Variants in C1QTNF3 observed in about 807,000 individuals in gnomAD.
The protein encoded by C1QTNF3 is C1q and TNF related 3.
C1QTNF3 carries 26 observed loss-of-function variants against 32.6 expected under a neutral mutation model. The ratio of observed to expected loss-of-function variants is 0.80; its 90% confidence interval spans 0.58 to 1.11. The LOEUF is 1.11. Among genes scored for constraint, C1QTNF3 ranks in the 50% least tolerant of loss-of-function variants. C1QTNF3 has a pLI of 0.00. For synonymous variants in C1QTNF3, 155 were observed against 146.0 expected (o/e 1.06, Z -0.44); for missense variants, 362 against 398.2 (o/e 0.91, Z 0.77).
chr5:34,044,812 T>G (rs1433885677), upstream of C1QTNF3, among the ~76,000 whole-genome samples: 1 of 152,214 alleles, frequency 6.6e-6, no homozygotes, highest in African/African-American at 2.4e-5. Context: ...AGTCTACCCT[T>G]GAGCATCTAA....
rs1363384587 is a variant in C1QTNF3, at chr5:34,033,412, T to C, written c.462A>G (p.Gly154=). Residue 154 remains glycine, a synonymous_variant, in exon 3 of 6, where the codon GGA becomes GGG. Transcript: ENST00000382065. ...NGNNGATGHE[G]AKGEKGDKGD... The stretch of plus-strand genomic sequence containing the variant: ...CTTTGTCGCCCTTCTCACCTTTGGC[T>C]CCTTCATGACCAGTGGCTCCATTGT... 5 of 1,614,004 alleles carry C rather than the reference T, an allele frequency of 3.1e-6. No individual in the cohort carries two copies. The highest frequency in any genetic ancestry group is 3.4e-6 in the Non-Finnish European group (4 of 1,180,010).
At chr5:34,232,615 T>G in the C1QTNF3 span, among the ~76,000 whole-genome samples, 1 of 151,772 alleles carries the variant, frequency 6.6e-6, no homozygotes, top group East Asian at 2.0e-4. Flanking sequence ...GTGCTCTCTC[T>G]CTCCTGGTGC....
chr5:34,093,286 ATTCT>A, the C1QTNF3 span, among the ~76,000 whole-genome samples: 6 of 131,492 alleles, frequency 4.6e-5, no homozygotes, highest in Admixed American at 8.0e-5. Flanking sequence ...ACTAAAACCT[ATTCT>A]TTGTTTTTTT....
the C1QTNF3 span, among the ~76,000 whole-genome samples, chr5:34,052,030 C>T: frequency 6.6e-6 from 1 of 152,052 alleles, no homozygotes; most frequent in South Asian, 2.1e-4. Flanking sequence ...CCCAGCTACT[C>T]GGGAGTCTGA....
chr5:34,210,659 C>G, the C1QTNF3 span, among the ~76,000 whole-genome samples: 1 of 151,998 alleles, frequency 6.6e-6, no homozygotes, highest in Non-Finnish European at 1.5e-5. Flanking sequence ...GGATAGAAGA[C>G]AGACATTATC....
At chr5:34,080,724 C>T in the C1QTNF3 span, among the ~76,000 whole-genome samples, 4 of 151,594 alleles carry the variant, frequency 2.6e-5, no homozygotes, top group Non-Finnish European at 4.4e-5. Context: ...ATATATTTGA[C>T]CTGTGAAAAA....
chr5:34,174,039 T>C, the C1QTNF3 span, among the ~76,000 whole-genome samples: 1 of 152,244 alleles, frequency 6.6e-6, no homozygotes, highest in East Asian at 1.9e-4. Context: ...ATTTGGCTTA[T>C]ATGATCTCAA....
upstream of C1QTNF3, among the ~76,000 whole-genome samples, chr5:34,047,184 C>A (rs1213489455): frequency 6.6e-6 from 1 of 152,236 alleles, no homozygotes; most frequent in African/African-American, 2.4e-5. Context: ...ACAAAAGACA[C>A]CTGAGGACAT....
the C1QTNF3 span, chr5:34,158,530 T>C: frequency 6.6e-6 from 1 of 152,238 alleles, no homozygotes; most frequent in African/African-American, 2.4e-5. Flanking sequence ...AAATTAAGTT[T>C]CTTGTAAAGT....
At chr5:34,056,454 GTATATATATATA>G in the C1QTNF3 span, among the ~76,000 whole-genome samples, 1 of 48,966 alleles carries the variant, frequency 2.0e-5, no homozygotes. Context: ...GTGTGTGTGT[GTATATATATATA>G]TATATATATA....
chr5:34,055,083 A>G, the C1QTNF3 span, among the ~76,000 whole-genome samples: 1 of 152,342 alleles, frequency 6.6e-6, no homozygotes, highest in Non-Finnish European at 1.5e-5. Flanking sequence ...TCCACACAGG[A>G]AACTAATCAA....
At chr5:34,218,649 A>C in the C1QTNF3 span, among the ~76,000 whole-genome samples, 16 of 152,096 alleles carry the variant, frequency 1.1e-4, no homozygotes, top group Non-Finnish European at 2.4e-4. Context: ...TAGAAAGAGG[A>C]GAGTTTTGCG....
the C1QTNF3 span, among the ~76,000 whole-genome samples, chr5:34,174,750 C>T: frequency 6.6e-6 from 1 of 150,892 alleles, no homozygotes; most frequent in Admixed American, 6.6e-5. Context: ...TTTGAAGACC[C>T]TTTTTTTTTG....
the C1QTNF3 span, chr5:34,190,044 G>C: frequency 2.2e-3 from 1,578 of 712,472 alleles, 1 homozygote; most frequent in African/African-American, 0.025. Flanking sequence ...CAAGGACTCT[G>C]TGGGGCCCAG....
intron 5 of C1QTNF3, among the ~76,000 whole-genome samples, chr5:34,023,134 C>T (rs1203387764): frequency 6.6e-6 from 1 of 152,128 alleles, no homozygotes; most frequent in Non-Finnish European, 1.5e-5. Flanking sequence ...GGATTACAGG[C>T]GTGAGCCACC....
At chr5:34,225,064 A>C in the C1QTNF3 span, among the ~76,000 whole-genome samples, 2 of 152,104 alleles carry the variant, frequency 1.3e-5, no homozygotes, top group African/African-American at 4.8e-5. Flanking sequence ...GCTCACCATC[A>C]CTGGCCATCA....
At chr5:34,183,298 G>A in the C1QTNF3 span, among the ~76,000 whole-genome samples, 1 of 151,890 alleles carries the variant, frequency 6.6e-6, no homozygotes, top group Non-Finnish European at 1.5e-5. Context: ...CGCCCGGCCC[G>A]CTTTTTTTTA....
At chr5:34,099,088 G>A in the C1QTNF3 span, among the ~76,000 whole-genome samples, 1 of 152,098 alleles carries the variant, frequency 6.6e-6, no homozygotes, top group Non-Finnish European at 1.5e-5. Context: ...AAAGAAACCT[G>A]TAAATTAAAT....
At chr5:34,101,778 C>T in the C1QTNF3 span, among the ~76,000 whole-genome samples, 2 of 152,046 alleles carry the variant, frequency 1.3e-5, no homozygotes, top group Non-Finnish European at 2.9e-5. Context: ...CCTCTTTGAT[C>T]ATTTCAGATC....
Sources: allele counts gnomAD v4.1 joint callset (sites outside exome capture counted in the v4.1 genomes callset), GRCh38; gene constraint gnomAD v4.1.1; transcripts MANE v1.5; gene names NCBI Gene and HGNC (gene_info 2026-07-23, HGNC 2026-07-21).